Variants in UTRN observed in about 807,000 individuals in gnomAD.
The protein encoded by UTRN is utrophin.
In UTRN, 283 loss-of-function variants were observed where a neutral mutation model predicts 463.9. The ratio of observed to expected loss-of-function variants is 0.61; its 90% CI spans 0.55 to 0.67. The LOEUF is 0.67. UTRN is among the 30% of genes least tolerant of loss of function. The probability of loss-of-function intolerance (pLI) is 0.00; values close to 1 mark genes in which losing one functional copy is unlikely to be tolerated. For synonymous variants in UTRN, 1,442 were observed against 1,431.5 expected (o/e 1.01, Z -0.17); for missense variants, 3,922 against 4,084.3 (o/e 0.96, Z 1.08).
chr6:144,312,381 G>A (rs764269203), intron 2 of UTRN, among the ~76,000 whole-genome samples: 14 of 147,898 alleles, frequency 9.5e-5, no homozygotes, highest in Non-Finnish European at 1.8e-4. Context: ...CCGAGATTGC[G>A]CCACTGCACT....
At chr6:144,527,887 G>A (rs777698111) in intron 41 of UTRN, among the ~76,000 whole-genome samples, 129 of 152,190 alleles carry the variant, frequency 8.5e-4, no homozygotes, top group Middle Eastern at 3.4e-3. Context: ...TTCATATGCT[G>A]TGTCATTGTT....
intron 54 of UTRN, among the ~76,000 whole-genome samples, chr6:144,739,863 G>A (rs1159953087): frequency 6.6e-6 from 1 of 152,124 alleles, no homozygotes; most frequent in Non-Finnish European, 1.5e-5. Flanking sequence ...GCTAGGATTG[G>A]CAGACCTTCT....
At chr6:144,645,287 T>C (rs1778176365) in intron 51 of UTRN, among the ~76,000 whole-genome samples, 1 of 152,210 alleles carries the variant, frequency 6.6e-6, no homozygotes, top group Non-Finnish European at 1.5e-5. Flanking sequence ...TCTGCTTTAA[T>C]TATTAAAAAT....
intron 33 of UTRN, among the ~76,000 whole-genome samples, chr6:144,494,926 T>C (rs1166273629): frequency 2.0e-5 from 3 of 151,992 alleles, no homozygotes; most frequent in African/African-American, 7.3e-5. Context: ...AGAGTGTGGA[T>C]TGGTGCACTC....
chr6:144,290,150 T>C (rs1466376525), intron 1 of UTRN, among the ~76,000 whole-genome samples: 1 of 152,190 alleles, frequency 6.6e-6, no homozygotes, highest in Non-Finnish European at 1.5e-5. Flanking sequence ...TCTCTTACAA[T>C]CAAAGACATT....
At chr6:144,685,511 T>A (rs1782657450) in intron 52 of UTRN, among the ~76,000 whole-genome samples, 1 of 152,182 alleles carries the variant, frequency 6.6e-6, no homozygotes, top group Admixed American at 6.5e-5. Context: ...TTTCACCACA[T>A]CCTCATTGAC....
intron 51 of UTRN, among the ~76,000 whole-genome samples, chr6:144,640,853 G>A (rs1777691181): frequency 6.6e-6 from 1 of 152,144 alleles, no homozygotes; most frequent in African/African-American, 2.4e-5. Context: ...AATGCCAGCA[G>A]TCTTTTGGTT....
Position 144,365,012 on chromosome 6 carries a change from T to G in UTRN, c.80-38111T>G, listed in dbSNP as rs150388075. Among the ~76,000 whole-genome samples, 452 of 152,320 alleles carry G rather than the reference T, an allele frequency of 3.0e-3. 5 individuals carry two copies. Among genetic ancestry groups the G allele is most frequent in the African/African-American group, 8.9e-3 (368 of 41,574 alleles). The stretch of plus-strand genomic sequence containing the variant: ...AGTCAGTTGATTAGCAAACAATACT[T>G]TCATCTGCAACCTCAATTTACCCCT... On this transcript the variant is annotated intron_variant, in intron 2 of 74. Transcript: ENST00000367545.
intron 51 of UTRN, among the ~76,000 whole-genome samples, chr6:144,649,052 C>G (rs1458310626): frequency 6.6e-6 from 1 of 152,078 alleles, no homozygotes; most frequent in Non-Finnish European, 1.5e-5. Context: ...GGTAACAGTA[C>G]AGCATAATGG....
At chr6:144,518,104 G>A (rs1795785491) in intron 39 of UTRN, among the ~76,000 whole-genome samples, 1 of 152,130 alleles carries the variant, frequency 6.6e-6, no homozygotes, top group Non-Finnish European at 1.5e-5. Flanking sequence ...ATCAGAAAGT[G>A]CCTTAGCTTA....
rs772316981 is a variant in UTRN, at chr6:144,828,829, T to C, written c.9639T>C (p.Thr3213=). ...QMERTNGSFL[T]DSSSTTGSVE... is the part of the protein sequence containing the mutation. The stretch of plus-strand genomic sequence containing the variant: ...AAAGGACTAATGGGTCTTTTCTCAC[T>C]GATAGCAGCTCCACCACAGGAAGTG... The change falls in exon 69 of 75, where the codon ACT becomes ACC. Residue 3213 remains threonine, a synonymous_variant. Coordinates refer to ENST00000367545, the MANE Select transcript of UTRN (RefSeq NM_007124.3). 2 of 1,613,496 alleles carry C rather than the reference T, an allele frequency of 1.2e-6. No individual in the cohort carries two copies. The highest frequency in any genetic ancestry group is 1.7e-6 in the Non-Finnish European group (2 of 1,179,572).
intron 57 of UTRN, among the ~76,000 whole-genome samples, chr6:144,757,490 A>G (rs1792133610): frequency 6.6e-6 from 1 of 152,112 alleles, no homozygotes; most frequent in African/African-American, 2.4e-5. Flanking sequence ...TCCTGTGACT[A>G]CGATGCAAAG....
chr6:144,627,171 G>A (rs1021555278), intron 51 of UTRN, among the ~76,000 whole-genome samples: 1 of 149,368 alleles, frequency 6.7e-6, no homozygotes, highest in African/African-American at 2.5e-5. Flanking sequence ...GGAGGGTGGG[G>A]TGGGGTAGGG....
At chr6:144,418,236 T>C (rs1373776011) in intron 3 of UTRN, among the ~76,000 whole-genome samples, 2 of 144,628 alleles carry the variant, frequency 1.4e-5, no homozygotes, top group South Asian at 2.2e-4. Flanking sequence ...TTTTTTGAGA[T>C]GGAGTCTCGC....
chr6:144,367,763 T>TGG, intron 2 of UTRN, among the ~76,000 whole-genome samples: 1 of 152,060 alleles, frequency 6.6e-6, no homozygotes, highest in East Asian at 1.9e-4. Flanking sequence ...TGAAAACCCC[T>TGG]ATATAAGGAG....
At chr6:144,298,862 A>G (rs1804986152) in intron 2 of UTRN, among the ~76,000 whole-genome samples, 1 of 152,236 alleles carries the variant, frequency 6.6e-6, no homozygotes, top group Non-Finnish European at 1.5e-5. Flanking sequence ...AAATTAACAC[A>G]TCTGTATAAT....
chr6:144,524,882 G>C (rs542602792), intron 41 of UTRN, among the ~76,000 whole-genome samples: 5 of 152,136 alleles, frequency 3.3e-5, no homozygotes, highest in African/African-American at 1.2e-4. Context: ...TGCCAATTTT[G>C]CTGAGAATTT....
chr6:144,686,018 T>G (rs1782718653), intron 52 of UTRN, among the ~76,000 whole-genome samples: 1 of 152,182 alleles, frequency 6.6e-6, no homozygotes, highest in South Asian at 2.1e-4. Context: ...CTAAAATTGT[T>G]AATGGTTTCA....
chr6:144,439,735 T>C (rs1342126312), intron 12 of UTRN, among the ~76,000 whole-genome samples: 1 of 152,204 alleles, frequency 6.6e-6, no homozygotes, highest in Non-Finnish European at 1.5e-5. Context: ...ACTCCTGACC[T>C]CAAGTGATCC....
Sources: gnomAD v4.1 joint callset for allele counts (sites outside exome capture counted in the v4.1 genomes callset) on GRCh38, gnomAD v4.1.1 for gene constraint, MANE v1.5 for transcripts, NCBI Gene and HGNC (gene_info 2026-07-23, HGNC 2026-07-21) for gene names.